The following PDCD6IP variants were observed in gnomAD, a reference collection of about 807,000 sequenced individuals.
PDCD6IP encodes programmed cell death 6 interacting protein, also known as programmed cell death 6-interacting protein.
Under a neutral mutation model 103.7 loss-of-function variants are expected in PDCD6IP, and 43 were observed. The observed-to-expected ratio is 0.41, with a 90% CI of 0.32 to 0.53. The LOEUF (loss-of-function observed/expected upper bound fraction) is 0.53, where lower values mean the gene tolerates loss of function less well. Ranked by LOEUF, PDCD6IP falls within the 20% of genes least tolerant of loss-of-function variation. The probability of loss-of-function intolerance (pLI) is 0.16; values close to 1 mark genes in which losing one functional copy is unlikely to be tolerated. For missense variants in PDCD6IP, 871 were observed against 1,036.7 expected (o/e 0.84, Z 2.20); for synonymous variants, 354 against 378.7 (o/e 0.93, Z 0.76).
chr3:33,845,914 A>G (rs985574776), intron 12 of PDCD6IP, among the ~76,000 whole-genome samples: 7 of 152,356 alleles, frequency 4.6e-5, no homozygotes, highest in African/African-American at 1.7e-4. Context: ...AGGACTGGGT[A>G]TAGCCAGATA....
intron 17 of PDCD6IP, among the ~76,000 whole-genome samples, chr3:33,866,094 G>A (rs1304915486): frequency 1.3e-5 from 2 of 151,694 alleles, no homozygotes; most frequent in African/African-American, 2.4e-5. Flanking sequence ...TTTAATACTC[G>A]AATATTTAAT....
chr3:33,801,083 A>G (rs1413875883), intron 1 of PDCD6IP, among the ~76,000 whole-genome samples: 2 of 152,192 alleles, frequency 1.3e-5, no homozygotes, highest in Admixed American at 6.5e-5. Flanking sequence ...ACAAATATTA[A>G]GTATTTTCAC....
At chr3:33,860,170 T>C (rs1409729963) in intron 15 of PDCD6IP, among the ~76,000 whole-genome samples, 1 of 152,232 alleles carries the variant, frequency 6.6e-6, no homozygotes. Context: ...AATATCGTCA[T>C]TTAAAATATT....
chr3:33,861,706 GC>G (rs1384949533), intron 15 of PDCD6IP, among the ~76,000 whole-genome samples: 3 of 152,096 alleles, frequency 2.0e-5, no homozygotes, highest in Non-Finnish European at 4.4e-5. Flanking sequence ...CCACATTTTT[GC>G]CCTTAGCTAT....
At chr3:33,850,244 G>A (rs1697684476) in intron 12 of PDCD6IP, among the ~76,000 whole-genome samples, 1 of 152,098 alleles carries the variant, frequency 6.6e-6, no homozygotes, top group Non-Finnish European at 1.5e-5. Flanking sequence ...TGGTCTCTAA[G>A]GGAGTATAGT....
At chr3:33,821,031 G>T (rs984370021) in intron 3 of PDCD6IP, among the ~76,000 whole-genome samples, 23 of 152,094 alleles carry the variant, frequency 1.5e-4, no homozygotes, top group African/African-American at 5.6e-4. Flanking sequence ...TTTTGAGACA[G>T]GGTCTTGCTC....
chr3:33,854,101 C>A, intron 14 of PDCD6IP, 88 bp downstream of exon 14: 1 of 1,403,208 alleles, frequency 7.1e-7, no homozygotes, highest in Non-Finnish European at 9.5e-7. Context: ...CCAGTTGAAC[C>A]AAATTGCTCT....
intron 7 of PDCD6IP, among the ~76,000 whole-genome samples, chr3:33,829,800 TAAAG>T: frequency 6.6e-6 from 1 of 152,232 alleles, no homozygotes; most frequent in South Asian, 2.1e-4. Flanking sequence ...GGGTAATTGA[TAAAG>T]AACAGAAATT....
At position 33,822,073 on chromosome 3, in the gene PDCD6IP, A is replaced by G. The variant is rs1214976043; in HGVS notation, c.453A>G (p.Lys151=). ...ATGAAGGATTGAAAATCGCTGCTAA[A>G]CATTACCAGGTATGCTGAAAAGTAG... ...DNDEGLKIAA[K]HYQFASGAFL... Residue 151 remains lysine, a synonymous_variant, in exon 4 of 18, where the codon AAA becomes AAG. Coordinates refer to ENST00000307296, the MANE Select transcript of PDCD6IP (RefSeq NM_013374.6). 1.9e-6 allele frequency: 3 copies of G among 1,613,898 alleles called. No homozygotes were observed. The highest frequency in any genetic ancestry group is 2.7e-5 in the African/African-American group (2 of 74,950).
intron 3 of PDCD6IP, 73 bp from the exon 4 acceptor site, chr3:33,821,882 T>C: frequency 7.0e-7 from 1 of 1,418,556 alleles, no homozygotes; most frequent in Non-Finnish European, 9.7e-7. Context: ...GAGGTCATAG[T>C]ATTTCTCTTT....
At chr3:33,808,340 C>G (rs534746074) in intron 1 of PDCD6IP, among the ~76,000 whole-genome samples, 1 of 152,298 alleles carries the variant, frequency 6.6e-6, no homozygotes, top group African/African-American at 2.4e-5. Flanking sequence ...GTGGTGGGAT[C>G]ACAGCTCACT....
At chr3:33,822,496 A>G (rs1232267594) in intron 4 of PDCD6IP, among the ~76,000 whole-genome samples, 2 of 152,212 alleles carry the variant, frequency 1.3e-5, no homozygotes, top group African/African-American at 4.8e-5. Flanking sequence ...AAAAATAAAG[A>G]CAAGAAATTG....
Position 33,853,950 on chromosome 3 carries a change from G to T in PDCD6IP, c.1962G>T (p.Lys654Asn). 6.3e-7 allele frequency: 1 copy of T among 1,590,868 alleles called. No homozygotes were observed. Among genetic ancestry groups the T allele is most frequent in the Non-Finnish European group, 8.5e-7 (1 of 1,172,502 alleles). ...NEANLREEVL[K>N]NLATAYDNFV... ...CTAACTTAAGAGAAGAAGTTTTGAA[G>T]AATTTAGCTACTGCATATGACAACT... Residue 654 changes from lysine to asparagine, a missense_variant, in exon 14 of 18, where the codon AAG (lysine) becomes AAT (asparagine). Coordinates refer to ENST00000307296, the MANE Select transcript of PDCD6IP (RefSeq NM_013374.6).
At chr3:33,852,259 A>C (rs976260434) in intron 12 of PDCD6IP, among the ~76,000 whole-genome samples, 2 of 152,208 alleles carry the variant, frequency 1.3e-5, no homozygotes, top group African/African-American at 4.8e-5. Context: ...ATAAGAGTTC[A>C]GTAAATTGTA....
intron 1 of PDCD6IP, among the ~76,000 whole-genome samples, chr3:33,800,144 A>AC (rs1233407620): frequency 6.6e-6 from 1 of 150,596 alleles, no homozygotes; most frequent in African/African-American, 2.4e-5. Context: ...AAAAAAAAAA[A>AC]AGTAAGACTT....
chr3:33,815,275 G>C (rs189066989), intron 3 of PDCD6IP, among the ~76,000 whole-genome samples: 1 of 151,884 alleles, frequency 6.6e-6, no homozygotes, highest in African/African-American at 2.4e-5. Flanking sequence ...AGCAGATTGT[G>C]GAGAGTTGCA....
chr3:33,866,313 G>C (rs1232925596), intron 17 of PDCD6IP, 38 bp from the exon 18 acceptor site: 2 of 1,252,502 alleles, frequency 1.6e-6, no homozygotes, highest in African/African-American at 1.6e-5. Flanking sequence ...TTTAGTATTT[G>C]ATTTACCAAT....
chr3:33,865,782 T>C lies in PDCD6IP; in HGVS notation c.2432+352T>C, dbSNP rs573959784. 6.2e-4 allele frequency among the ~76,000 whole-genome samples: 95 copies of C among 152,342 alleles called. 1 individual carries two copies. The South Asian group carries it at 0.019, about 31-fold the overall frequency. On this transcript the variant is annotated intron_variant, in intron 17 of 17. Transcript: ENST00000307296. ...TGATAAGGCCTTGTTTACGTCCCTA[T>C]ACTTAGAATACTTGGCATTTAATAA...
In PDCD6IP at chr3:33,798,954, G is replaced by T; in HGVS notation, c.209+17G>T. The T allele has an allele frequency of 5.3e-6, 8 of 1,515,754 alleles. No homozygotes were observed. Among genetic ancestry groups the T allele is most frequent in the Non-Finnish European group, 7.1e-6 (8 of 1,122,796 alleles). 93.9% of individuals were successfully genotyped at this position (1,515,754 alleles called of 1,614,324 possible). Reference sequence around the variant, plus strand: ...GCTCCTGAGGTGGGCGCGGGGCTGGGAGTGGGTAGGTTGTCTGCCAGCCGT... The same window carrying T: ...GCTCCTGAGGTGGGCGCGGGGCTGGTAGTGGGTAGGTTGTCTGCCAGCCGT... On this transcript the variant is annotated intron_variant, in intron 1 of 17. Transcript: ENST00000307296.
Sources: allele counts gnomAD v4.1 joint callset (sites outside exome capture counted in the v4.1 genomes callset), GRCh38; gene constraint gnomAD v4.1.1; transcripts MANE v1.5; gene names NCBI Gene and HGNC (gene_info 2026-07-23, HGNC 2026-07-21).